HOMER1: variants seen among roughly 807,000 people sequenced by gnomAD.
The protein encoded by HOMER1 is homer protein homolog 1.
Under a neutral mutation model 48.9 loss-of-function variants are expected in HOMER1, and 3 were observed. That is an observed-to-expected ratio of 0.06 (90% CI 0.03 to 0.16). The LOEUF is 0.16. Among genes scored for constraint, HOMER1 ranks in the 10% least tolerant of loss-of-function variants. The pLI is 1.00. For synonymous variants in HOMER1, 134 were observed against 146.4 expected (o/e 0.92, Z 0.61); for missense variants, 247 against 411.4 (o/e 0.60, Z 3.46).
rs965865616 is a variant in HOMER1 at position 79,389,481 on chromosome 5, T to G, written c.876+7342A>C. ...TGGCCAATATGATGCTATTAAGAAGTGGAGCCTTTAAGAGACGATTAGGTC... is the reference window on the plus strand; with the variant it reads ...TGGCCAATATGATGCTATTAAGAAGGGGAGCCTTTAAGAGACGATTAGGTC... On this transcript the variant is annotated intron_variant, in intron 8 of 8. Transcript: ENST00000334082. Among the ~76,000 whole-genome samples, 4 of 152,310 alleles carry G rather than the reference T, an allele frequency of 2.6e-5. No homozygotes were observed. The East Asian group carries it at 7.7e-4, about 29-fold the overall frequency.
intron 5 of HOMER1, among the ~76,000 whole-genome samples, chr5:79,423,223 C>T (rs1449695478): frequency 6.6e-6 from 1 of 152,156 alleles, no homozygotes; most frequent in African/African-American, 2.4e-5. Flanking sequence ...CACTAGACAG[C>T]ACAAGTTGCA....
intron 5 of HOMER1, among the ~76,000 whole-genome samples, chr5:79,436,963 C>G (rs1401776609): frequency 6.6e-6 from 1 of 152,090 alleles, no homozygotes; most frequent in Non-Finnish European, 1.5e-5. Context: ...TTAAATTGAC[C>G]TGTTAAATTT....
chr5:79,450,246 TGAAGA>T (rs1408795388), intron 3 of HOMER1, among the ~76,000 whole-genome samples: 1 of 152,240 alleles, frequency 6.6e-6, no homozygotes, highest in Non-Finnish European at 1.5e-5. Context: ...GCACAAGCTC[TGAAGA>T]GAAAAGTGAG....
chr5:79,450,369 C>A (rs925949262), intron 3 of HOMER1, among the ~76,000 whole-genome samples: 4 of 152,204 alleles, frequency 2.6e-5, no homozygotes, highest in Non-Finnish European at 4.4e-5. Flanking sequence ...ATAAACATTA[C>A]ATGGCTTTTG....
chr5:79,387,305 T>C (rs1000013082), intron 8 of HOMER1, among the ~76,000 whole-genome samples: 11 of 151,982 alleles, frequency 7.2e-5, no homozygotes, highest in Non-Finnish European at 1.6e-4. Flanking sequence ...TTTTAAAATA[T>C]TTTTGTGGAG....
At chr5:79,494,913 G>A (rs1016256385) in intron 1 of HOMER1, among the ~76,000 whole-genome samples, 4 of 152,172 alleles carry the variant, frequency 2.6e-5, no homozygotes, top group African/African-American at 9.7e-5. Flanking sequence ...CTGAGTAGTT[G>A]ATCTAAAATG....
chr5:79,426,588 TA>T (rs1210339389), intron 5 of HOMER1, among the ~76,000 whole-genome samples: 3 of 151,940 alleles, frequency 2.0e-5, no homozygotes, highest in African/African-American at 7.2e-5. Flanking sequence ...ATGTAGAAGC[TA>T]AAAAAATTGA....
chr5:79,486,740 T>A (rs143579546), intron 1 of HOMER1, among the ~76,000 whole-genome samples: 1 of 152,100 alleles, frequency 6.6e-6, no homozygotes, highest in Non-Finnish European at 1.5e-5. Context: ...TAAAATGAGG[T>A]TTAGAAAGCC....
chr5:79,387,740 C>G (rs76825293), intron 8 of HOMER1, among the ~76,000 whole-genome samples: 1,956 of 152,232 alleles, frequency 0.013, 49 homozygotes, highest in African/African-American at 0.045. Flanking sequence ...AAGGAAGACT[C>G]TGGCTATAAA....
At chr5:79,456,776 TGAAG>T in intron 2 of HOMER1, 82 bp downstream of exon 2, 3 of 1,136,370 alleles carry the variant, frequency 2.6e-6, no homozygotes, top group Non-Finnish European at 3.8e-6. Context: ...TTTATATTAA[TGAAG>T]ATAAAATGTT....
intron 4 of HOMER1, among the ~76,000 whole-genome samples, chr5:79,440,824 A>T (rs1750717359): frequency 6.6e-6 from 1 of 152,336 alleles, no homozygotes; most frequent in Admixed American, 6.5e-5. Context: ...GCAACCTGCT[A>T]AACAGTTAAA....
Position 79,383,963 on chromosome 5 carries a change from G to C in HOMER1, c.877-7766C>G, listed in dbSNP as rs185737060. ...TTAAAAAATATTTTGAAACAAAACA[G>C]AAATACAACATACCAAAACCCATGT... is the stretch of plus-strand genomic sequence containing the variant. On this transcript the variant is annotated intron_variant, in intron 8 of 8. Transcript: ENST00000334082. 2.6e-5 allele frequency among the ~76,000 whole-genome samples: 4 copies of C among 152,060 alleles called. No homozygotes were observed. In the East Asian group the frequency reaches 5.8e-4, roughly 22 times the overall value.
At position 79,377,923 on chromosome 5, in the gene HOMER1, A is replaced by G. The variant is rs527864908; in HGVS notation, c.877-1726T>C. ...AAGAACTAAATTTTTTTCACAATGT[A>G]AAAATTAAACTTTCAAGAAAAATAA... On this transcript the variant is annotated intron_variant, in intron 8 of 8. Transcript: ENST00000334082. Among the ~76,000 whole-genome samples the G allele has an allele frequency of 5.3e-5, 8 of 152,336 alleles. No individual in the cohort carries two copies. The South Asian group carries it at 6.2e-4, about 12-fold the overall frequency.
At chr5:79,474,667 AG>A (rs1383412435) in intron 1 of HOMER1, among the ~76,000 whole-genome samples, 1 of 152,162 alleles carries the variant, frequency 6.6e-6, no homozygotes, top group African/African-American at 2.4e-5. Flanking sequence ...ATCTCATCTC[AG>A]GTTCCTGCTA....
chr5:79,465,393 G>T (rs1751429224), intron 1 of HOMER1, among the ~76,000 whole-genome samples: 1 of 151,990 alleles, frequency 6.6e-6, no homozygotes, highest in East Asian at 1.9e-4. Context: ...AATCTGTTGG[G>T]TGAACACTGA....
chr5:79,432,320 A>G (rs902721450), intron 5 of HOMER1, among the ~76,000 whole-genome samples: 6 of 152,218 alleles, frequency 3.9e-5, no homozygotes, highest in African/African-American at 1.2e-4. Context: ...CCTCCACAAG[A>G]AAGAGATCAT....
intron 1 of HOMER1, among the ~76,000 whole-genome samples, chr5:79,468,755 A>T (rs1330636380): frequency 6.6e-6 from 1 of 152,234 alleles, no homozygotes; most frequent in Non-Finnish European, 1.5e-5. Flanking sequence ...GTATTGGTAC[A>T]GGTCACAGCA....
chr5:79,414,117 T>C (rs972860399), intron 5 of HOMER1, among the ~76,000 whole-genome samples: 1 of 152,114 alleles, frequency 6.6e-6, no homozygotes, highest in Non-Finnish European at 1.5e-5. Flanking sequence ...AGATAGGGTC[T>C]GGCTTTGTTA....
chr5:79,424,154 C>T (rs1180481112), intron 5 of HOMER1, among the ~76,000 whole-genome samples: 2 of 151,928 alleles, frequency 1.3e-5, no homozygotes, highest in African/African-American at 2.4e-5. Flanking sequence ...TTCTAAAGTA[C>T]GTTTTCACCA....
Sources: allele counts gnomAD v4.1 joint callset (sites outside exome capture counted in the v4.1 genomes callset), GRCh38; gene constraint gnomAD v4.1.1; transcripts MANE v1.5; gene names NCBI Gene and HGNC (gene_info 2026-07-23, HGNC 2026-07-21).